Variants in RNF220 observed in about 807,000 individuals in gnomAD.
RNF220 encodes the protein E3 ubiquitin-protein ligase RNF220.
RNF220 carries 7 observed loss-of-function variants against 67.1 expected under a neutral mutation model. The observed-to-expected ratio is 0.10, with a 90% confidence interval of 0.06 to 0.20. The LOEUF (loss-of-function observed/expected upper bound fraction) is 0.20, where lower values mean the gene tolerates loss of function less well. Ranked by LOEUF, RNF220 falls within the 10% of genes least tolerant of loss-of-function variation. The pLI is 1.00. For synonymous variants in RNF220, 270 were observed against 283.2 expected (o/e 0.95, Z 0.47); for missense variants, 565 against 740.3 (o/e 0.76, Z 2.75).
intron 2 of RNF220, among the ~76,000 whole-genome samples, chr1:44,535,093 A>C (rs1402730930): frequency 7.1e-6 from 1 of 140,356 alleles, no homozygotes; most frequent in African/African-American, 2.7e-5. Context: ...ACTTCATTAC[A>C]TTTCCTTCTG....
chr1:44,630,136 C>T (rs1363601450), intron 5 of RNF220, among the ~76,000 whole-genome samples: 2 of 152,176 alleles, frequency 1.3e-5, no homozygotes, highest in East Asian at 1.9e-4. Context: ...CAGGGTCTCA[C>T]TATATTGCCC....
At chr1:44,561,320 G>A (rs1415812493) in intron 2 of RNF220, among the ~76,000 whole-genome samples, 1 of 152,134 alleles carries the variant, frequency 6.6e-6, no homozygotes, top group Non-Finnish European at 1.5e-5. Context: ...GACTAGCCTG[G>A]CCAACATGGT....
chr1:44,632,414 C>G, intron 6 of RNF220, 29 bp downstream of exon 6: 2 of 1,595,686 alleles, frequency 1.3e-6, no homozygotes, highest in Non-Finnish European at 1.7e-6. Context: ...CTCCCTCCGC[C>G]CCACCCCCGG....
chr1:44,520,128 T>TGTGTGTGTGAGA lies in RNF220; in HGVS notation c.626-94036_626-94035insTGTGTGTGAGAG, dbSNP rs796131470. 9.7e-4 allele frequency among the ~76,000 whole-genome samples: 110 copies of TGTGTGTGTGAGA among 113,450 alleles called. 1 individual carries two copies. The highest frequency in any genetic ancestry group is 5.0e-3 in the Middle Eastern group (1 of 202). The allele number at this position is 113,450 out of a possible 152,430, so 74.4% of individuals were successfully genotyped here. On this transcript the variant is annotated intron_variant, in intron 2 of 14. Coordinates refer to ENST00000361799, the MANE Select transcript of RNF220 (RefSeq NM_018150.4). ...GTGTGTGTGTGTGTGTGTGTGTGTG[T>TGTGTGTGTGAGA]GAGAGAGAGAGAGAGAGAAAGAGAG... is the stretch of plus-strand genomic sequence containing the variant.
rs1468156290 is a variant in RNF220, at chr1:44,624,864, C to T, written c.805-1433C>T. Among the ~76,000 whole-genome samples the T allele has an allele frequency of 7.9e-5, 12 of 152,232 alleles. No homozygotes were observed. The highest frequency in any genetic ancestry group is 1.6e-4 in the Non-Finnish European group (11 of 68,012). Reference sequence around the variant, plus strand: ...TTCCAAAAGGCCACTTTTAATGAGGCGAAGAGCCAGGCAAAAAGTCATGAT... The same window carrying T: ...TTCCAAAAGGCCACTTTTAATGAGGTGAAGAGCCAGGCAAAAAGTCATGAT... On this transcript the variant is annotated intron_variant, in intron 4 of 14. Coordinates refer to ENST00000361799, the MANE Select transcript of RNF220 (RefSeq NM_018150.4). This position sits in a 1 kb window ranked among gnomAD's most constrained non-coding sequence, Gnocchi z 4.2.
chr1:44,577,611 A>G (rs1326967884), intron 2 of RNF220, among the ~76,000 whole-genome samples: 1 of 152,252 alleles, frequency 6.6e-6, no homozygotes, highest in African/African-American at 2.4e-5. Context: ...GAAGTGGGAA[A>G]CAGACAATGA....
At chr1:44,439,233 C>T (rs1651309139) in intron 2 of RNF220, among the ~76,000 whole-genome samples, 1 of 152,124 alleles carries the variant, frequency 6.6e-6, no homozygotes, top group Admixed American at 6.5e-5. Context: ...TATTTTTAAT[C>T]TTTGGCAATT....
chr1:44,631,079 A>G, intron 5 of RNF220, among the ~76,000 whole-genome samples: 1 of 152,366 alleles, frequency 6.6e-6, no homozygotes, highest in South Asian at 2.1e-4. Context: ...AGGTACAACC[A>G]TGGAAGAACA....
chr1:44,424,546 C>G (rs1649553514), intron 2 of RNF220, among the ~76,000 whole-genome samples: 1 of 152,004 alleles, frequency 6.6e-6, no homozygotes, highest in African/African-American at 2.4e-5. Context: ...GGAGTGAGGA[C>G]TAGTGGGGAG....
chr1:44,585,715 G>A (rs894704177), intron 2 of RNF220, among the ~76,000 whole-genome samples: 2 of 152,094 alleles, frequency 1.3e-5, no homozygotes, highest in African/African-American at 4.8e-5. Context: ...CCTCCACCTA[G>A]GTTCATACCT....
At chr1:44,533,395 G>A (rs562428962) in intron 2 of RNF220, among the ~76,000 whole-genome samples, 1 of 152,280 alleles carries the variant, frequency 6.6e-6, no homozygotes, top group South Asian at 2.1e-4. Context: ...GGGAGGCTGA[G>A]GCAGGAGGAT....
intron 2 of RNF220, among the ~76,000 whole-genome samples, chr1:44,578,240 C>T (rs1314190773): frequency 6.7e-6 from 1 of 150,024 alleles, no homozygotes; most frequent in Non-Finnish European, 1.5e-5. Flanking sequence ...CCTCCACCTG[C>T]CGGGTTCAAG....
At chr1:44,616,609 AC>A (rs1453241235) in intron 3 of RNF220, among the ~76,000 whole-genome samples, 1 of 150,472 alleles carries the variant, frequency 6.6e-6, no homozygotes, top group Non-Finnish European at 1.5e-5. Flanking sequence ...CCGCCCACAC[AC>A]ACCTGGGATT....
At chr1:44,420,670 CT>C (rs1649110904) in intron 2 of RNF220, among the ~76,000 whole-genome samples, 1 of 152,180 alleles carries the variant, frequency 6.6e-6, no homozygotes, top group Non-Finnish European at 1.5e-5. Flanking sequence ...AGTTTGGCCT[CT>C]GGAGTTAAGT....
At position 44,606,169 on chromosome 1, in the gene RNF220, A is replaced by T. The variant is rs920927970; in HGVS notation, c.626-7996A>T. 6.6e-6 allele frequency among the ~76,000 whole-genome samples: 1 copy of T among 152,256 alleles called. No individual in the cohort carries two copies. The highest frequency in any genetic ancestry group is 2.4e-5 in the African/African-American group (1 of 41,460). ...GTGTATTACACGGATAATGTATTTG[A>T]CGTATTAATAAAACCAGCCGCATTG... On this transcript the variant is annotated intron_variant, in intron 2 of 14. Coordinates refer to ENST00000361799, the MANE Select transcript of RNF220 (RefSeq NM_018150.4). The surrounding 1 kb of genome is among the most constrained non-coding windows in gnomAD (Gnocchi z 4.2).
chr1:44,574,888 C>T (rs1240734064), intron 2 of RNF220, among the ~76,000 whole-genome samples: 2 of 151,674 alleles, frequency 1.3e-5, no homozygotes, highest in African/African-American at 4.9e-5. Context: ...TTTATTGACT[C>T]ATAATATTTG....
chr1:44,482,537 C>T (rs946007377), intron 2 of RNF220, among the ~76,000 whole-genome samples: 1 of 152,164 alleles, frequency 6.6e-6, no homozygotes, highest in Non-Finnish European at 1.5e-5. Flanking sequence ...AGGAGCTATG[C>T]TCTGGTTGTC....
At chr1:44,407,639 G>A (rs1647498353) in intron 1 of RNF220, among the ~76,000 whole-genome samples, 1 of 152,056 alleles carries the variant, frequency 6.6e-6, no homozygotes, top group Non-Finnish European at 1.5e-5. Flanking sequence ...ACACACACCT[G>A]TTCTGCGAGC....
At chr1:44,618,302 C>T (rs1213769937) in intron 3 of RNF220, among the ~76,000 whole-genome samples, 1 of 152,180 alleles carries the variant, frequency 6.6e-6, no homozygotes, top group African/African-American at 2.4e-5. Flanking sequence ...ACACACACAC[C>T]CATTCCAACA....
Sources: gnomAD v4.1 joint callset for allele counts (sites outside exome capture counted in the v4.1 genomes callset) on GRCh38, gnomAD v4.1.1 for gene constraint, Gnocchi (gnomAD v3.1) non-coding constraint, MANE v1.5 for transcripts, NCBI Gene and HGNC (gene_info 2026-07-23, HGNC 2026-07-21) for gene names.